The following AOAH variants were observed in gnomAD, a reference collection of about 807,000 sequenced individuals.
The protein encoded by AOAH is acyloxyacyl hydrolase (neutrophil).
AOAH carries 64 observed loss-of-function variants against 92.2 expected under a neutral mutation model. That is an observed-to-expected ratio of 0.69 (90% CI 0.57 to 0.86). The LOEUF is 0.86. AOAH is among the 40% of genes least tolerant of loss of function. The pLI, the probability that AOAH is intolerant of heterozygous loss-of-function variation, is 0.00. For missense variants in AOAH, 656 were observed against 694.6 expected (o/e 0.94, Z 0.62); for synonymous variants, 263 against 254.5 (o/e 1.03, Z -0.32).
chr7:36,570,763 T>C (rs907042895), intron 13 of AOAH, among the ~76,000 whole-genome samples: 1 of 152,214 alleles, frequency 6.6e-6, no homozygotes, highest in Non-Finnish European at 1.5e-5. Flanking sequence ...CCAATTGTGG[T>C]TTTTGCCCAC....
At chr7:36,534,026 C>T (rs1319936496) in intron 16 of AOAH, among the ~76,000 whole-genome samples, 1 of 152,156 alleles carries the variant, frequency 6.6e-6, no homozygotes, top group African/African-American at 2.4e-5. Flanking sequence ...TGAGGGGCGG[C>T]ATCTCTCTGC....
rs1554314474 is a variant in AOAH, at chr7:36,678,612, C to CGTGCGT, written c.224-4604_224-4603insACGCAC. On this transcript the variant is annotated intron_variant, in intron 2 of 20. Transcript: ENST00000617537. Reference sequence around the variant, plus strand: ...GTGTGTGTGTGTGTGCGCGCGCGCGCGCGTTAGAATTCTGTTTAGCTCAAG... The same window carrying CGTGCGT: ...GTGTGTGTGTGTGTGCGCGCGCGCGCGTGCGTGCGTTAGAATTCTGTTTAGCTCAAG... Among the ~76,000 whole-genome samples the CGTGCGT allele has an allele frequency of 2.9e-3, 324 of 111,654 alleles. 5 individuals carry two copies. Among genetic ancestry groups the CGTGCGT allele is most frequent in the African/African-American group, 0.011 (311 of 29,552 alleles). The allele number at this position is 111,654 out of a possible 152,430, so 73.2% of individuals were successfully genotyped here.
chr7:36,587,292 A>G (rs1391214056), intron 12 of AOAH, among the ~76,000 whole-genome samples: 1 of 145,394 alleles, frequency 6.9e-6, no homozygotes, highest in African/African-American at 2.5e-5. Flanking sequence ...AAAAAAAAAA[A>G]GAAAGAAAGA....
At position 36,684,848 on chromosome 7, in the gene AOAH, C is replaced by T. The variant is rs553342760; in HGVS notation, c.223+1851G>A. On this transcript the variant is annotated intron_variant, in intron 2 of 20. Coordinates refer to ENST00000617537, the MANE Select transcript of AOAH (RefSeq NM_001637.4). ...CTGAAGCAGGAGGATCTCATGAGCCCGGGAGGTCAAGGCTGCAGTGAGCAG... is the reference window on the plus strand; with the variant it reads ...CTGAAGCAGGAGGATCTCATGAGCCTGGGAGGTCAAGGCTGCAGTGAGCAG... Among the ~76,000 whole-genome samples, 10 of 128,306 alleles carry T rather than the reference C, an allele frequency of 7.8e-5. No homozygotes were observed. The South Asian group carries it at 7.9e-4, about 10-fold the overall frequency. 84.2% of individuals were successfully genotyped at this position (128,306 alleles called of 152,430 possible).
rs754260311 is a variant in AOAH at position 36,540,500 on chromosome 7, G to A, written c.1134-9C>T. On this transcript the variant is annotated splice_polypyrimidine_tract_variant and intron_variant, in intron 15 of 20. Transcript: ENST00000617537. ...GGACTGGGTCACTCTTCCTGTTGGTGGAATAAACAGAAAATATCTTGGTTG... is the reference window on the plus strand; with the variant it reads ...GGACTGGGTCACTCTTCCTGTTGGTAGAATAAACAGAAAATATCTTGGTTG... 6.3e-7 allele frequency: 1 copy of A among 1,597,980 alleles called. No individual in the cohort carries two copies. The highest frequency in any genetic ancestry group is 1.7e-4 in the Middle Eastern group (1 of 5,968).
intron 13 of AOAH, among the ~76,000 whole-genome samples, chr7:36,561,009 T>G (rs1670406345): frequency 6.6e-6 from 1 of 151,420 alleles, no homozygotes; most frequent in Non-Finnish European, 1.5e-5. Flanking sequence ...ATAGTATCTA[T>G]GGGGGTAGAC....
At chr7:36,530,615 C>T (rs991202997) in intron 18 of AOAH, 101 bp from the exon 19 acceptor site, 1 of 736,072 alleles carries the variant, frequency 1.4e-6, no homozygotes, top group Non-Finnish European at 2.3e-6. Flanking sequence ...CCATCCTACT[C>T]TACTTTCATT....
At chr7:36,596,892 C>T (rs1010287763) in intron 11 of AOAH, among the ~76,000 whole-genome samples, 2 of 152,124 alleles carry the variant, frequency 1.3e-5, no homozygotes, top group Non-Finnish European at 2.9e-5. Context: ...AGACATGAAC[C>T]CCTTTACTAT....
At chr7:36,610,221 G>C (rs1189151367) in intron 11 of AOAH, among the ~76,000 whole-genome samples, 1 of 137,194 alleles carries the variant, frequency 7.3e-6, no homozygotes, top group Non-Finnish European at 1.5e-5. Flanking sequence ...TGGTTTAGTA[G>C]ATTATTGCAT....
intron 15 of AOAH, among the ~76,000 whole-genome samples, chr7:36,548,353 T>C (rs1785940845): frequency 6.6e-6 from 1 of 152,104 alleles, no homozygotes; most frequent in Non-Finnish European, 1.5e-5. Context: ...GCCCAGCTAA[T>C]TGTTGTATTT....
At chr7:36,619,419 C>G (rs1229104663) in intron 9 of AOAH, among the ~76,000 whole-genome samples, 5 of 152,164 alleles carry the variant, frequency 3.3e-5, no homozygotes, top group Non-Finnish European at 4.4e-5. Flanking sequence ...GGCCTTCCTC[C>G]TTATATGGGT....
intron 19 of AOAH, 130 bp downstream of exon 19, chr7:36,530,288 G>A (rs1321355753): frequency 1.1e-5 from 7 of 637,142 alleles, no homozygotes; most frequent in Non-Finnish European, 2.0e-5. Context: ...CTATTAGTGT[G>A]TCAGAATAGG....
At chr7:36,715,897 T>C (rs1799129803) in intron 1 of AOAH, among the ~76,000 whole-genome samples, 1 of 152,146 alleles carries the variant, frequency 6.6e-6, no homozygotes, top group East Asian at 1.9e-4. Flanking sequence ...GGCAATACCA[T>C]TCAGGACATA....
At chr7:36,721,777 T>A (rs1010515304) in intron 1 of AOAH, among the ~76,000 whole-genome samples, 6 of 152,158 alleles carry the variant, frequency 3.9e-5, no homozygotes, top group Non-Finnish European at 7.4e-5. Context: ...ACCCTCTCCA[T>A]CAAAATGAAG....
At chr7:36,629,078 A>T (rs1387809432) in intron 6 of AOAH, among the ~76,000 whole-genome samples, 1 of 152,236 alleles carries the variant, frequency 6.6e-6, no homozygotes, top group African/African-American at 2.4e-5. Flanking sequence ...TTACTTATCA[A>T]TATTTTTACT....
chr7:36,714,113 T>A (rs1399223934), intron 1 of AOAH, among the ~76,000 whole-genome samples: 3 of 151,870 alleles, frequency 2.0e-5, no homozygotes, highest in African/African-American at 2.4e-5. Context: ...GAGAAGAATC[T>A]AATAGATGCA....
intron 5 of AOAH, among the ~76,000 whole-genome samples, chr7:36,634,837 TAGACA>T (rs1014114931): frequency 6.6e-6 from 1 of 152,208 alleles, no homozygotes; most frequent in African/African-American, 2.4e-5. Flanking sequence ...TTATAATTAC[TAGACA>T]AAAGGTGCAA....
Position 36,530,551 on chromosome 7 carries a change from C to A in AOAH, c.1426-37G>T, listed in dbSNP as rs370531604. On this transcript the variant is annotated intron_variant, in intron 18 of 20. Transcript: ENST00000617537. ...GGAAACAGGGAGAATTTCATGAAATCTAGACTTTGGCTTTAGTGAGACAAT... is the reference window on the plus strand; with the variant it reads ...GGAAACAGGGAGAATTTCATGAAATATAGACTTTGGCTTTAGTGAGACAAT... The A allele has an allele frequency of 1.1e-5, 16 of 1,435,542 alleles. No homozygotes were observed. In the African/African-American group the frequency reaches 2.3e-4, roughly 20 times the overall value. The allele number at this position is 1,435,542 out of a possible 1,614,324, so 88.9% of individuals were successfully genotyped here.
intron 1 of AOAH, among the ~76,000 whole-genome samples, chr7:36,716,779 C>G (rs940599427): frequency 1.3e-5 from 2 of 150,958 alleles, no homozygotes; most frequent in Admixed American, 6.6e-5. Context: ...ACAATGAGAA[C>G]ACATGGACAC....
Sources: allele counts gnomAD v4.1 joint callset (sites outside exome capture counted in the v4.1 genomes callset), GRCh38; gene constraint gnomAD v4.1.1; transcripts MANE v1.5; gene names NCBI Gene and HGNC (gene_info 2026-07-23, HGNC 2026-07-21).